ZSWIM5: variants seen among roughly 807,000 people sequenced by gnomAD.
The protein encoded by ZSWIM5 is zinc finger SWIM-type containing 5, also known as zinc finger SWIM domain-containing protein 5.
A neutral mutation model predicts 119.6 loss-of-function variants in ZSWIM5; 55 were observed. That is an observed-to-expected ratio of 0.46 (90% CI 0.37 to 0.58). The LOEUF (loss-of-function observed/expected upper bound fraction) is 0.58, where lower values mean the gene tolerates loss of function less well. Ranked by LOEUF, ZSWIM5 falls within the 20% of genes least tolerant of loss-of-function variation. The probability of loss-of-function intolerance (pLI) is 0.00; values close to 1 mark genes in which losing one functional copy is unlikely to be tolerated. For missense variants in ZSWIM5, 1,193 were observed against 1,512.8 expected, an observed-to-expected ratio of 0.79 and a Z score of 3.51; for synonymous variants, 537 against 606.9, an observed-to-expected ratio of 0.88 and a Z score of 1.69.
chr1:45,027,843 T>C (rs1302930930), intron 11 of ZSWIM5, among the ~76,000 whole-genome samples: 1 of 152,046 alleles, frequency 6.6e-6, no homozygotes, highest in East Asian at 1.9e-4. Context: ...CATGTCTGGC[T>C]CTTTTCTCTT....
chr1:45,174,921 C>T (rs544379101), intron 1 of ZSWIM5, among the ~76,000 whole-genome samples: 15 of 151,928 alleles, frequency 9.9e-5, no homozygotes, highest in Non-Finnish European at 1.9e-4. Context: ...AGATATTCTC[C>T]TACAGAACTA....
At position 45,086,855 on chromosome 1, in the gene ZSWIM5, A is replaced by G. The variant is rs146872924; in HGVS notation, c.952+1026T>C. Among the ~76,000 whole-genome samples, 43 of 151,686 alleles carry G rather than the reference A, an allele frequency of 2.8e-4. No homozygotes were observed. In the East Asian group the frequency reaches 7.6e-3, roughly 27 times the overall value. On this transcript the variant is annotated intron_variant, in intron 2 of 13. Coordinates refer to ENST00000359600, the MANE Select transcript of ZSWIM5 (RefSeq NM_020883.2). ...GTGGGATCTAAAAAGCAAAATGAAA[A>G]CTGGCTTATTAACTCTTCTTCTTAA... is the stretch of plus-strand genomic sequence containing the variant.
intron 2 of ZSWIM5, among the ~76,000 whole-genome samples, chr1:45,071,265 C>G (rs1000608509): frequency 5.9e-5 from 9 of 151,994 alleles, no homozygotes; most frequent in African/African-American, 2.2e-4. Flanking sequence ...TCCCTGACAT[C>G]CCCCCACTAC....
chr1:45,201,834 C>G (rs1646160066), intron 1 of ZSWIM5, among the ~76,000 whole-genome samples: 1 of 152,130 alleles, frequency 6.6e-6, no homozygotes, highest in Admixed American at 6.5e-5. Context: ...CTACTTAATG[C>G]TATCAGTTTA....
At position 45,046,821 on chromosome 1, in the gene ZSWIM5, C is replaced by T. The variant is rs539476375; in HGVS notation, c.1433-3426G>A. Among the ~76,000 whole-genome samples the T allele has an allele frequency of 5.3e-5, 8 of 151,708 alleles. No homozygotes were observed. In the South Asian group the frequency reaches 6.3e-4, roughly 12 times the overall value. ...TGAGCGGATCAGAAGGTCAAGAGTT[C>T]GAGACCAGCCAGGCTAACATAGTGA... On this transcript the variant is annotated intron_variant, in intron 5 of 13. Transcript: ENST00000359600.
At chr1:45,130,537 G>T (rs561421458) in intron 1 of ZSWIM5, among the ~76,000 whole-genome samples, 1 of 151,950 alleles carries the variant, frequency 6.6e-6, no homozygotes, top group East Asian at 1.9e-4. Context: ...ACCACAATGA[G>T]ATATCACAAC....
intron 1 of ZSWIM5, among the ~76,000 whole-genome samples, chr1:45,117,991 C>T (rs1379379490): frequency 6.6e-6 from 1 of 151,900 alleles, no homozygotes; most frequent in Non-Finnish European, 1.5e-5. Flanking sequence ...ATCACTTGAA[C>T]CTGGGAGGCA....
At chr1:45,136,224 C>G (rs966238541) in intron 1 of ZSWIM5, among the ~76,000 whole-genome samples, 1 of 152,112 alleles carries the variant, frequency 6.6e-6, no homozygotes, top group Non-Finnish European at 1.5e-5. Flanking sequence ...TTGAAGTTCA[C>G]AACAGGTCAT....
chr1:45,075,660 C>A (rs1012805453), intron 2 of ZSWIM5, among the ~76,000 whole-genome samples: 1 of 151,952 alleles, frequency 6.6e-6, no homozygotes, highest in Non-Finnish European at 1.5e-5. Flanking sequence ...TTTAATCCAT[C>A]CAGCCACTTT....
At chr1:45,051,285 T>C in intron 4 of ZSWIM5, 32 bp from the exon 5 acceptor site, 3 of 1,599,552 alleles carry the variant, frequency 1.9e-6, no homozygotes, top group Non-Finnish European at 2.6e-6. Flanking sequence ...ATTCTTAACA[T>C]CTCTCCTTTG....
At chr1:45,120,396 C>T (rs904578871) in intron 1 of ZSWIM5, among the ~76,000 whole-genome samples, 5 of 152,160 alleles carry the variant, frequency 3.3e-5, no homozygotes, top group Admixed American at 6.5e-5. Flanking sequence ...TAGCTATCAA[C>T]CTCAAACACA....
chr1:45,115,421 C>T (rs541452732), intron 1 of ZSWIM5, among the ~76,000 whole-genome samples: 45 of 145,056 alleles, frequency 3.1e-4, no homozygotes, highest in Non-Finnish European at 6.0e-4. Context: ...ACTTCTCAGA[C>T]GGGGCGGCCG....
Position 45,044,702 on chromosome 1 carries a change from C to T in ZSWIM5, c.1433-1307G>A, listed in dbSNP as rs373972105. 4.5e-3 allele frequency among the ~76,000 whole-genome samples: 341 copies of T among 75,484 alleles called. 2 individuals are homozygous for T. Among genetic ancestry groups the T allele is most frequent in the African/African-American group, 0.016 (302 of 18,948 alleles). 49.5% of individuals were successfully genotyped at this position (75,484 alleles called of 152,430 possible). The stretch of plus-strand genomic sequence containing the variant: ...TCGCGCCACTGCACTCCAGCCTGGG[C>T]GACAGAGCCAGACTCCGTCTCAAAA... On this transcript the variant is annotated intron_variant, in intron 5 of 13. Coordinates refer to ENST00000359600, the MANE Select transcript of ZSWIM5 (RefSeq NM_020883.2).
intron 1 of ZSWIM5, among the ~76,000 whole-genome samples, chr1:45,129,674 G>A (rs1645643242): frequency 6.6e-6 from 1 of 152,064 alleles, no homozygotes; most frequent in African/African-American, 2.4e-5. Context: ...ACAATGGAGA[G>A]AAAATAAAGT....
At chr1:45,177,505 G>A (rs1645988562) in intron 1 of ZSWIM5, among the ~76,000 whole-genome samples, 2 of 152,198 alleles carry the variant, frequency 1.3e-5, no homozygotes, top group African/African-American at 4.8e-5. Flanking sequence ...AAGTTACAGA[G>A]GGGTATGCAA....
At chr1:45,020,863 C>T (rs1644883661) in intron 11 of ZSWIM5, 75 bp from the exon 12 acceptor site, 6 of 1,496,924 alleles carry the variant, frequency 4.0e-6, no homozygotes, top group Non-Finnish European at 5.5e-6. Context: ...AATAGATACT[C>T]ATTGAAATGG....
At chr1:45,124,467 A>G (rs990125661) in intron 1 of ZSWIM5, among the ~76,000 whole-genome samples, 3 of 152,172 alleles carry the variant, frequency 2.0e-5, no homozygotes, top group Admixed American at 2.0e-4. Flanking sequence ...CTGTAAAAAG[A>G]GATACACTAC....
intron 1 of ZSWIM5, among the ~76,000 whole-genome samples, chr1:45,141,410 G>T (rs1403541016): frequency 6.6e-6 from 1 of 152,136 alleles, no homozygotes; most frequent in Non-Finnish European, 1.5e-5. Context: ...ACTCAGGAGA[G>T]CAAGCCCATA....
At chr1:45,178,252 C>T (rs969838114) in intron 1 of ZSWIM5, among the ~76,000 whole-genome samples, 22 of 151,958 alleles carry the variant, frequency 1.4e-4, no homozygotes, top group African/African-American at 5.1e-4. Context: ...AGGCTGAAAC[C>T]CTGTCTTTGC....
Sources: gnomAD v4.1 joint callset for allele counts (sites outside exome capture counted in the v4.1 genomes callset) on GRCh38, gnomAD v4.1.1 for gene constraint, MANE v1.5 for transcripts, NCBI Gene and HGNC (gene_info 2026-07-23, HGNC 2026-07-21) for gene names.